The following GLMN variants were observed in gnomAD, a reference collection of about 807,000 sequenced individuals.
GLMN encodes glomulin, FKBP associated protein, also known as glomulin.
In GLMN, 75 loss-of-function variants were observed where a neutral mutation model predicts 87.8. The ratio of observed to expected loss-of-function variants is 0.85; its 90% confidence interval spans 0.71 to 1.04. The LOEUF (loss-of-function observed/expected upper bound fraction) is 1.04. Among genes scored for constraint, GLMN ranks in the 50% least tolerant of loss-of-function variants. The pLI, the probability that GLMN is intolerant of heterozygous loss-of-function variation, is 0.00. For synonymous variants in GLMN, 206 were observed against 221.6 expected, an observed-to-expected ratio of 0.93 and a Z score of 0.63; for missense variants, 588 against 658.8, an observed-to-expected ratio of 0.89 and a Z score of 1.18.
intron 7 of GLMN, 128 bp from the exon 8 acceptor site, chr1:92,271,780 A>T: frequency 1.5e-6 from 1 of 687,382 alleles, no homozygotes; most frequent in South Asian, 1.6e-5. Flanking sequence ...AGTGGGACCT[A>T]TGAGACTTGC....
At chr1:92,321,944 CTT>C in the GLMN span, among the ~76,000 whole-genome samples, 346 of 106,034 alleles carry the variant, frequency 3.3e-3, 2 homozygotes, top group South Asian at 0.011. Context: ...AATTTTCTTT[CTT>C]TTTTTTTTTT....
intron 16 of GLMN, among the ~76,000 whole-genome samples, chr1:92,259,728 C>CTTTT (rs1654757103): frequency 9.0e-6 from 1 of 111,180 alleles, no homozygotes; most frequent in African/African-American, 3.6e-5. Context: ...TCTTTTTTTT[C>CTTTT]TTTCTTTTTT....
chr1:92,273,909 C>T (rs574719089), intron 7 of GLMN, among the ~76,000 whole-genome samples: 1 of 152,260 alleles, frequency 6.6e-6, no homozygotes, highest in East Asian at 1.9e-4. Context: ...TACCTGGCAC[C>T]ATACAATTTC....
At chr1:92,311,629 G>C in the GLMN span, among the ~76,000 whole-genome samples, 2 of 152,132 alleles carry the variant, frequency 1.3e-5, no homozygotes, top group African/African-American at 4.8e-5. Flanking sequence ...TATTGAATTT[G>C]ACCTAATTTG....
At chr1:92,364,369 G>T in the GLMN span, among the ~76,000 whole-genome samples, 1 of 152,120 alleles carries the variant, frequency 6.6e-6, no homozygotes, top group Non-Finnish European at 1.5e-5. Context: ...AAAAAATCAA[G>T]ACAAATATAA....
chr1:92,260,662 G>A (rs1384420981), intron 16 of GLMN, among the ~76,000 whole-genome samples: 6 of 151,044 alleles, frequency 4.0e-5, no homozygotes, highest in African/African-American at 9.7e-5. Flanking sequence ...GGAGGCTGAC[G>A]TGGGAGGATT....
rs375076746 is a variant in GLMN at position 92,289,008 on chromosome 1, A to C, written c.538T>G (p.Leu180Val). ...ACAAAAGGCTTAGTGAACTCTATTA[A>C]GGCCTTGCAACACTGACAAAGGCCA... is the stretch of plus-strand genomic sequence containing the variant. ...DYGLCQCCKA[L>V]IEFTKPFVEE... Residue 180 changes from leucine (L) to valine (V), a missense_variant, in exon 6 of 19, where the codon TTA (leucine) becomes GTA (valine). Leu to Val is a conservative substitution (Grantham distance 32). Transcript: ENST00000370360. The C allele has an allele frequency of 4.1e-5, 66 of 1,611,568 alleles. No individual in the cohort carries two copies. The highest frequency in any genetic ancestry group is 5.5e-5 in the Non-Finnish European group (65 of 1,177,840).
chr1:92,256,041 GA>G (rs761303364), intron 16 of GLMN, among the ~76,000 whole-genome samples: 3 of 151,990 alleles, frequency 2.0e-5, no homozygotes, highest in Non-Finnish European at 4.4e-5. Flanking sequence ...GAATCAAATA[GA>G]CACAATAAAA....
chr1:92,291,468 C>T lies in GLMN; in HGVS notation c.235G>A (p.Glu79Lys). The T allele has an allele frequency of 6.2e-7, 1 of 1,602,390 alleles. No homozygotes were observed. The change falls in exon 4 of 19, where the codon GAG becomes AAG. Residue 79 changes from glutamate (E) to lysine (K), a missense_variant. Transcript: ENST00000370360. ...VVRCLLCKDKEDSKRKVYFLI... is the reference protein window; with the variant it reads ...VVRCLLCKDKKDSKRKVYFLI... The stretch of plus-strand genomic sequence containing the variant: ...AAATAAACTTTTCTTTTACTATCCT[C>T]TTTATCTTTACACAAAAGGCATCGA...
the GLMN span, among the ~76,000 whole-genome samples, chr1:92,350,565 T>C: frequency 6.6e-6 from 1 of 152,224 alleles, no homozygotes; most frequent in Non-Finnish European, 1.5e-5. Context: ...CTTAACTAAA[T>C]ATGCCCTATT....
In GLMN at chr1:92,298,328, CA is replaced by C. The variant is rs112083314; in HGVS notation, c.-30-300del. Among the ~76,000 whole-genome samples the C allele has an allele frequency of 7.0e-3, 1,055 of 150,544 alleles. 12 individuals are homozygous for C. The highest frequency in any genetic ancestry group is 0.025 in the African/African-American group (1,008 of 41,020). On this transcript the variant is annotated intron_variant, in intron 1 of 18. Coordinates refer to ENST00000370360, the MANE Select transcript of GLMN (RefSeq NM_053274.3). ...AAAGCTACTTTGAAGGAAAAAAAAA[CA>C]AAAAAAACCTCTCGAGCACTCCCAA... is the stretch of plus-strand genomic sequence containing the variant.
chr1:92,268,797 T>A (rs1655927198), intron 9 of GLMN, among the ~76,000 whole-genome samples: 1 of 152,104 alleles, frequency 6.6e-6, no homozygotes, highest in African/African-American at 2.4e-5. Context: ...CCCTAACTGA[T>A]CTCAGGGGAT....
chr1:92,300,173 A>G, upstream of GLMN: 3 of 1,578,072 alleles, frequency 1.9e-6, no homozygotes, highest in East Asian at 2.2e-5. Flanking sequence ...TATGTAGCAC[A>G]TGACTGTATT....
chr1:92,255,581 T>A (rs1654114836), intron 16 of GLMN, among the ~76,000 whole-genome samples: 1 of 152,176 alleles, frequency 6.6e-6, no homozygotes, highest in Admixed American at 6.5e-5. Context: ...CACAGTGCAA[T>A]CAAAGTAGAA....
chr1:92,308,787 C>T, the GLMN span, among the ~76,000 whole-genome samples: 4 of 152,114 alleles, frequency 2.6e-5, no homozygotes, highest in African/African-American at 9.7e-5. Flanking sequence ...TGGTGATACC[C>T]TGTCTCTACT....
the GLMN span, among the ~76,000 whole-genome samples, chr1:92,346,072 A>G: frequency 1.3e-5 from 2 of 151,898 alleles, no homozygotes; most frequent in Admixed American, 6.6e-5. Context: ...AACAATTTTT[A>G]TTTAAAGTGA....
chr1:92,285,578 C>T (rs1241991982), intron 7 of GLMN, among the ~76,000 whole-genome samples: 2 of 152,160 alleles, frequency 1.3e-5, no homozygotes, highest in African/African-American at 2.4e-5. Flanking sequence ...CAAACCTGCA[C>T]GTTGTGCACA....
intron 3 of GLMN, among the ~76,000 whole-genome samples, chr1:92,292,615 G>A (rs1421771415): frequency 1.6e-4 from 23 of 147,982 alleles, no homozygotes; most frequent in African/African-American, 5.4e-4. Context: ...AGTAGAGATG[G>A]GGTTTCACCA....
chr1:92,365,568 T>C, the GLMN span, among the ~76,000 whole-genome samples: 687 of 152,324 alleles, frequency 4.5e-3, 5 homozygotes, highest in African/African-American at 0.016. Flanking sequence ...GCTAAATCAG[T>C]TGACTTAGCT....
Sources: allele counts gnomAD v4.1 joint callset (sites outside exome capture counted in the v4.1 genomes callset), GRCh38; gene constraint gnomAD v4.1.1; transcripts MANE v1.5; gene names NCBI Gene and HGNC (gene_info 2026-07-23, HGNC 2026-07-21).